The following C1QTNF3 variants were observed in gnomAD, a reference collection of about 807,000 sequenced individuals.
C1QTNF3 encodes the protein complement C1q tumor necrosis factor-related protein 3.
A neutral mutation model predicts 32.6 loss-of-function variants in C1QTNF3; 26 were observed. The ratio of observed to expected loss-of-function variants is 0.80; its 90% CI spans 0.58 to 1.11. C1QTNF3 has a LOEUF of 1.11. Among genes scored for constraint, C1QTNF3 ranks in the 50% least tolerant of loss-of-function variants. The pLI is 0.00. For missense variants in C1QTNF3, 362 were observed against 398.2 expected (o/e 0.91, Z 0.77); for synonymous variants, 155 against 146.0 (o/e 1.06, Z -0.44).
chr5:34,220,934 T>C, the C1QTNF3 span, among the ~76,000 whole-genome samples: 1 of 152,078 alleles, frequency 6.6e-6, no homozygotes, highest in Non-Finnish European at 1.5e-5. Context: ...CATGTTTGCA[T>C]GTCCAGTGCT....
chr5:34,217,391 T>C, the C1QTNF3 span, among the ~76,000 whole-genome samples: 1 of 152,162 alleles, frequency 6.6e-6, no homozygotes, highest in Admixed American at 6.6e-5. Flanking sequence ...AAGCATTCTG[T>C]TGCTAGTACA....
the C1QTNF3 span, among the ~76,000 whole-genome samples, chr5:34,115,656 G>A: frequency 9.9e-5 from 15 of 151,920 alleles, no homozygotes; most frequent in Admixed American, 5.9e-4. Context: ...GCGTGAACCC[G>A]GGAGGCGAAG....
At chr5:34,223,345 G>A in the C1QTNF3 span, among the ~76,000 whole-genome samples, 1 of 150,692 alleles carries the variant, frequency 6.6e-6, no homozygotes, top group African/African-American at 2.5e-5. Context: ...CAAAGGACAT[G>A]AACTCATCAT....
the C1QTNF3 span, among the ~76,000 whole-genome samples, chr5:34,226,570 G>A: frequency 1.3e-5 from 2 of 150,922 alleles, no homozygotes; most frequent in African/African-American, 4.9e-5. Flanking sequence ...TAATCTCAGG[G>A]AAATTCTAAA....
At chr5:34,219,495 T>C in the C1QTNF3 span, among the ~76,000 whole-genome samples, 1 of 151,854 alleles carries the variant, frequency 6.6e-6, no homozygotes, top group Non-Finnish European at 1.5e-5. Flanking sequence ...TTCTCTCCTG[T>C]ATCTACGTGC....
chr5:34,119,993 C>T, the C1QTNF3 span, among the ~76,000 whole-genome samples: 1 of 152,158 alleles, frequency 6.6e-6, no homozygotes, highest in Non-Finnish European at 1.5e-5. Context: ...TACTGCAGTA[C>T]TTTTGACTTT....
the C1QTNF3 span, chr5:34,169,105 C>T: frequency 6.6e-6 from 1 of 152,170 alleles, no homozygotes; most frequent in Non-Finnish European, 1.5e-5. Flanking sequence ...CTCTTAGACG[C>T]AGACACTGAA....
chr5:34,242,660 G>GA, the C1QTNF3 span, among the ~76,000 whole-genome samples: 1 of 151,520 alleles, frequency 6.6e-6, no homozygotes, highest in East Asian at 1.9e-4. Flanking sequence ...ATTGACAAGT[G>GA]AAAGTCAATC....
chr5:34,044,942 C>CCTGGAG (rs923714036), upstream of C1QTNF3, among the ~76,000 whole-genome samples: 4 of 152,092 alleles, frequency 2.6e-5, no homozygotes, highest in Admixed American at 2.0e-4. Flanking sequence ...TCTTCCCAGA[C>CCTGGAG]CTGGAGCTGG....
At chr5:34,222,667 T>C in the C1QTNF3 span, among the ~76,000 whole-genome samples, 13 of 152,068 alleles carry the variant, frequency 8.5e-5, no homozygotes, top group Admixed American at 5.9e-4. Flanking sequence ...CACTTATATA[T>C]AAATTCTGTT....
the C1QTNF3 span, among the ~76,000 whole-genome samples, chr5:34,138,635 G>A: frequency 6.6e-6 from 1 of 151,764 alleles, no homozygotes; most frequent in African/African-American, 2.4e-5. Flanking sequence ...AATTTTTTTG[G>A]TGTGAATTTA....
At chr5:34,083,094 C>G in the C1QTNF3 span, among the ~76,000 whole-genome samples, 3 of 150,768 alleles carry the variant, frequency 2.0e-5, no homozygotes, top group Admixed American at 6.6e-5. Context: ...AGCATACATA[C>G]CTAATATACA....
the C1QTNF3 span, among the ~76,000 whole-genome samples, chr5:34,108,456 T>C: frequency 6.6e-6 from 1 of 152,152 alleles, no homozygotes; most frequent in Non-Finnish European, 1.5e-5. Context: ...GCATGGTTCT[T>C]AAACAACCTT....
the C1QTNF3 span, among the ~76,000 whole-genome samples, chr5:34,244,242 A>G: frequency 4.6e-5 from 7 of 152,222 alleles, no homozygotes; most frequent in Non-Finnish European, 7.3e-5. Flanking sequence ...AGAACCATAC[A>G]AAATGTCTCT....
the C1QTNF3 span, among the ~76,000 whole-genome samples, chr5:34,059,842 C>A: frequency 6.6e-6 from 1 of 152,154 alleles, no homozygotes; most frequent in Non-Finnish European, 1.5e-5. Context: ...TAGCTATGAC[C>A]TGTAAAGATC....
At chr5:34,029,771 GA>G (rs1462529393) in intron 3 of C1QTNF3, among the ~76,000 whole-genome samples, 1 of 151,968 alleles carries the variant, frequency 6.6e-6, no homozygotes, top group Non-Finnish European at 1.5e-5. Context: ...TTTATATTCA[GA>G]AAAAAGATAC....
At chr5:34,072,363 A>AAAAGAG in the C1QTNF3 span, among the ~76,000 whole-genome samples, 1 of 135,404 alleles carries the variant, frequency 7.4e-6, no homozygotes, top group African/African-American at 2.8e-5. Context: ...AGAAAATTAA[A>AAAAGAG]AAAGAAAGAG....
chr5:34,209,308 T>C, the C1QTNF3 span, among the ~76,000 whole-genome samples: 1 of 151,618 alleles, frequency 6.6e-6, no homozygotes, highest in Non-Finnish European at 1.5e-5. Flanking sequence ...AATAACATTT[T>C]TCACTAACGC....
chr5:34,045,999 A>G (rs1381703670), upstream of C1QTNF3, among the ~76,000 whole-genome samples: 1 of 152,214 alleles, frequency 6.6e-6, no homozygotes, highest in East Asian at 1.9e-4. Context: ...TAGCAGACAA[A>G]GCCAATTAGG....
Sources: gnomAD v4.1 joint callset for allele counts (sites outside exome capture counted in the v4.1 genomes callset) on GRCh38, gnomAD v4.1.1 for gene constraint, MANE v1.5 for transcripts, NCBI Gene and HGNC (gene_info 2026-07-23, HGNC 2026-07-21) for gene names.